USP13: variants seen among roughly 807,000 people sequenced by gnomAD.
The protein encoded by USP13 is ubiquitin specific peptidase 13.
USP13 carries 68 observed loss-of-function variants against 107.8 expected under a neutral mutation model. The ratio of observed to expected loss-of-function variants is 0.63; its 90% CI spans 0.52 to 0.77. USP13 has a LOEUF of 0.77. USP13 is among the 30% of genes least tolerant of loss of function. USP13 has a pLI of 0.00. For synonymous variants in USP13, 377 were observed against 389.5 expected (o/e 0.97, Z 0.38); for missense variants, 945 against 1,093.3 (o/e 0.86, Z 1.91).
chr3:179,654,507 A>G (rs1720193872), intron 1 of USP13, among the ~76,000 whole-genome samples: 1 of 152,098 alleles, frequency 6.6e-6, no homozygotes, highest in African/African-American at 2.4e-5. Flanking sequence ...AGGAGGGTGA[A>G]TGTCCCTTTC....
rs1426533707 is a variant in USP13, at chr3:179,728,310, C to T, written c.1089-1879C>T. Among the ~76,000 whole-genome samples, 16 of 145,362 alleles carry T rather than the reference C, an allele frequency of 1.1e-4. No individual in the cohort carries two copies. The East Asian group carries it at 2.3e-3, about 21-fold the overall frequency. ...GGGTCTCCTCACTTCTCAGACGGGG[C>T]GGCCGGGCAGAGACGCTCCTCACAT... On this transcript the variant is annotated intron_variant, in intron 8 of 20. Coordinates refer to ENST00000263966, the MANE Select transcript of USP13 (RefSeq NM_003940.3).
At chr3:179,712,584 A>G (rs767274215) in intron 6 of USP13, among the ~76,000 whole-genome samples, 1 of 152,036 alleles carries the variant, frequency 6.6e-6, no homozygotes, top group Non-Finnish European at 1.5e-5. Flanking sequence ...TTTCTATGCT[A>G]TTAAATATTC....
intron 19 of USP13, among the ~76,000 whole-genome samples, chr3:179,774,804 A>C (rs950237133): frequency 1.3e-5 from 2 of 152,084 alleles, no homozygotes; most frequent in Admixed American, 6.5e-5. Context: ...TTTTACAGAG[A>C]GCTGATTGGT....
At chr3:179,690,138 C>A in intron 2 of USP13, 103 bp from the exon 3 acceptor site, 1 of 1,080,982 alleles carries the variant, frequency 9.3e-7, no homozygotes, top group East Asian at 2.4e-5. Flanking sequence ...AATATTTCTT[C>A]TTGGCCTTCT....
chr3:179,662,780 A>G (rs1332674700), intron 1 of USP13, among the ~76,000 whole-genome samples: 2 of 152,304 alleles, frequency 1.3e-5, no homozygotes, highest in East Asian at 3.9e-4. Context: ...ACTTTTTGGA[A>G]AAGTTCATGT....
At chr3:179,731,629 TG>T (rs1560066709) in intron 10 of USP13, among the ~76,000 whole-genome samples, 1 of 152,216 alleles carries the variant, frequency 6.6e-6, no homozygotes. Flanking sequence ...GCATTTCCAC[TG>T]GACCCTCCCT....
intron 10 of USP13, among the ~76,000 whole-genome samples, chr3:179,738,596 AC>A (rs1714074593): frequency 6.6e-6 from 1 of 152,196 alleles, no homozygotes; most frequent in Admixed American, 6.5e-5. Context: ...GATGGGCTGA[AC>A]TTGGAGGAAA....
chr3:179,684,663 C>T (rs376768719), intron 2 of USP13, among the ~76,000 whole-genome samples: 1 of 152,246 alleles, frequency 6.6e-6, no homozygotes, highest in South Asian at 2.1e-4. Context: ...ATTTGGGTCT[C>T]TCTTCACTCT....
chr3:179,667,557 A>G (rs2108439989), intron 1 of USP13, among the ~76,000 whole-genome samples: 1 of 152,170 alleles, frequency 6.6e-6, no homozygotes, highest in African/African-American at 2.4e-5. Context: ...TTGTCCTGAA[A>G]CTGTTGTAGT....
intron 13 of USP13, among the ~76,000 whole-genome samples, chr3:179,746,285 G>A (rs978053161): frequency 2.7e-5 from 4 of 148,204 alleles, no homozygotes; most frequent in Admixed American, 6.7e-5. Flanking sequence ...AGGGAGTCTC[G>A]CTCTGTCACC....
At chr3:179,778,998 A>T (rs1257386678) in intron 19 of USP13, among the ~76,000 whole-genome samples, 1 of 152,094 alleles carries the variant, frequency 6.6e-6, no homozygotes, top group Non-Finnish European at 1.5e-5. Flanking sequence ...GAGTTTCAGA[A>T]AGAAAGAGCA....
intron 10 of USP13, among the ~76,000 whole-genome samples, chr3:179,731,317 G>A (rs892704067): frequency 6.6e-6 from 1 of 152,196 alleles, no homozygotes. Context: ...AAGCTGAAGT[G>A]GGAGAATTGC....
At chr3:179,771,504 T>C (rs1715341901) in intron 19 of USP13, among the ~76,000 whole-genome samples, 2 of 152,246 alleles carry the variant, frequency 1.3e-5, no homozygotes, top group South Asian at 4.1e-4. Context: ...TTAGGACTGA[T>C]GTTGCCCCAC....
At chr3:179,716,700 G>GA (rs1332944810) in intron 6 of USP13, among the ~76,000 whole-genome samples, 1 of 151,992 alleles carries the variant, frequency 6.6e-6, no homozygotes, top group Non-Finnish European at 1.5e-5. Flanking sequence ...AAACAGAGGA[G>GA]AAAAAAAGAC....
In USP13 at chr3:179,764,087, C is replaced by G; in HGVS notation, c.2178C>G (p.Asn726Lys). 6.2e-7 allele frequency: 1 copy of G among 1,613,928 alleles called. No homozygotes were observed. Among genetic ancestry groups the G allele is most frequent in the South Asian group, 1.1e-5 (1 of 91,078 alleles). ...ASVFGASGLDNQPPEEIVAII... is the reference protein window; with the variant it reads ...ASVFGASGLDKQPPEEIVAII... ...TTTTTGGTGCTTCTGGACTGGATAA[C>G]CAACCTCCAGAGGAAATCGTAGCTA... Residue 726 changes from asparagine (N) to lysine (K), a missense_variant, in exon 18 of 21, where the codon AAC becomes AAG. By Grantham distance (94) the Asn-to-Lys change is moderately conservative. Transcript: ENST00000263966.
In USP13 at chr3:179,785,130, A is replaced by C. The variant is rs1400261488; in HGVS notation, c.*989A>C. Reference sequence around the variant, plus strand: ...TAGTAAAAATAGCTAATCTCTTTTTACCATCTCACATGATAACTCTTTGGA... The same window carrying C: ...TAGTAAAAATAGCTAATCTCTTTTTCCCATCTCACATGATAACTCTTTGGA... On this transcript the variant is annotated 3_prime_UTR_variant, in exon 21 of 21. Transcript: ENST00000263966. 1 of 152,172 alleles carries C rather than the reference A, an allele frequency of 6.6e-6. No individual in the cohort carries two copies. Among genetic ancestry groups the C allele is most frequent in the East Asian group, 1.9e-4 (1 of 5,194 alleles). 9.4% of individuals were successfully genotyped at this position (152,172 alleles called of 1,614,324 possible). A position where few individuals can be genotyped will look rare whatever the true frequency, so the allele number is the denominator to read the frequency against.
At chr3:179,748,362 G>A (rs1305998584) in intron 13 of USP13, among the ~76,000 whole-genome samples, 1 of 152,196 alleles carries the variant, frequency 6.6e-6, no homozygotes, top group Non-Finnish European at 1.5e-5. Flanking sequence ...GAGAAAACCA[G>A]TTCAGTGGAT....
chr3:179,681,603 G>C (rs1040142571), intron 1 of USP13, among the ~76,000 whole-genome samples: 17 of 151,790 alleles, frequency 1.1e-4, no homozygotes, highest in African/African-American at 3.9e-4. Flanking sequence ...GTACATTCCT[G>C]GACGTGCTTT....
chr3:179,653,214 C>G lies in USP13; in HGVS notation c.-12C>G. 2.7e-6 allele frequency: 4 copies of G among 1,498,194 alleles called. No homozygotes were observed. The highest frequency in any genetic ancestry group is 3.6e-6 in the Non-Finnish European group (4 of 1,123,848). The allele number at this position is 1,498,194 out of a possible 1,614,324, so 92.8% of individuals were successfully genotyped here. On this transcript the variant is annotated 5_prime_UTR_variant, in exon 1 of 21. Coordinates refer to ENST00000263966, the MANE Select transcript of USP13 (RefSeq NM_003940.3). This position sits in a 1 kb window ranked among gnomAD's most constrained non-coding sequence, Gnocchi z 4.0. ...CGGCTCGGCTCGCTCGGCTCCGGTG[C>G]GCGCCGAGGCCATGCAGCGCCGGGG...
Sources: allele counts gnomAD v4.1 joint callset (sites outside exome capture counted in the v4.1 genomes callset), GRCh38; gene constraint gnomAD v4.1.1; non-coding constraint Gnocchi (gnomAD v3.1); transcripts MANE v1.5; gene names NCBI Gene and HGNC (gene_info 2026-07-23, HGNC 2026-07-21).